FBXL8: variants seen among roughly 807,000 people sequenced by gnomAD.
FBXL8 encodes the protein F-box and leucine rich repeat protein 8.
In FBXL8, 13 loss-of-function variants were observed where a neutral mutation model predicts 8.2. That is an observed-to-expected ratio of 1.58 (90% CI 1.03 to 2.51). FBXL8 has a LOEUF of 2.51. FBXL8 is among the 30% of genes most tolerant of loss of function. The pLI is 0.00. For synonymous variants in FBXL8, 271 were observed against 260.5 expected (o/e 1.04, Z -0.39); for missense variants, 565 against 540.4 (o/e 1.05, Z -0.45).
chr16:67,163,050 G>A lies in FBXL8; in HGVS notation c.355G>A (p.Ala119Thr), dbSNP rs1172418199. The A allele has an allele frequency of 6.4e-7, 1 of 1,569,884 alleles. No homozygotes were observed. Among genetic ancestry groups the A allele is most frequent in the Non-Finnish European group, 8.6e-7 (1 of 1,157,300 alleles). The part of the protein sequence containing the change: ...ECRGEKPLFD[A>T]GRDVLEAVHA... ...CCGCGGAGAAAAACCGCTCTTCGAC[G>A]CGGGCCGCGACGTCCTGGAGGCTGT... The change falls in exon 3 of 3, where the codon GCG becomes ACG. Residue 119 changes from alanine to threonine, a missense_variant. By Grantham distance (58) the Ala-to-Thr change is moderately conservative. Coordinates refer to ENST00000258200, the MANE Select transcript of FBXL8 (RefSeq NM_018378.3).
intron 1 of FBXL8, among the ~76,000 whole-genome samples, chr16:67,160,583 C>T (rs112687286): frequency 1.3e-5 from 2 of 152,064 alleles, no homozygotes; most frequent in African/African-American, 2.4e-5. Context: ...AGGTGGCGCG[C>T]GCCTGGAGTC....
In FBXL8 at chr16:67,163,846, C is replaced by T. The variant is rs756655584; in HGVS notation, c.*26C>T. 1 of 1,524,400 alleles carries T rather than the reference C, an allele frequency of 6.6e-7. No individual in the cohort carries two copies. Among genetic ancestry groups the T allele is most frequent in the Non-Finnish European group, 8.7e-7 (1 of 1,145,350 alleles). The allele number at this position is 1,524,400 out of a possible 1,614,324, so 94.4% of individuals were successfully genotyped here. ...TTGGGCGACTTCTCTCCCCCGTCCC[C>T]GTGGACGTAAGCGCTCTGAGAGGGA... is the stretch of plus-strand genomic sequence containing the variant. On this transcript the variant is annotated 3_prime_UTR_variant, in exon 3 of 3. Transcript: ENST00000258200.
chr16:67,163,634 G>A lies in FBXL8; in HGVS notation c.939G>A (p.Ser313=). ...LCALEVRAAA[S]AELNAALEEL... ...CGCTCGAGGTGCGCGCAGCCGCTTC[G>A]GCCGAGCTGAACGCCGCGCTGGAGG... The change falls in exon 3 of 3, where the codon TCG becomes TCA. Residue 313 remains serine (S), a synonymous_variant. Coordinates refer to ENST00000258200, the MANE Select transcript of FBXL8 (RefSeq NM_018378.3). 1 of 1,565,706 alleles carries A rather than the reference G, an allele frequency of 6.4e-7. No homozygotes were observed. Among genetic ancestry groups the A allele is most frequent in the Non-Finnish European group, 8.6e-7 (1 of 1,165,582 alleles).
At chr16:67,162,376 A>G in intron 2 of FBXL8, 2 of 574,878 alleles carry the variant, frequency 3.5e-6, no homozygotes, top group South Asian at 2.1e-5. Flanking sequence ...GTATATACCA[A>G]CCATTGTTTT....
In FBXL8 at chr16:67,163,194, C is replaced by G; in HGVS notation, c.499C>G (p.Leu167Val). The change falls in exon 3 of 3, where the codon CTT becomes GTT. Residue 167 changes from leucine (L) to valine (V), a missense_variant. Physicochemically the swap from Leu to Val is conservative, Grantham distance 32. Transcript: ENST00000258200. ...AARSCPELHS[L>V]FLDNSTLVGS... ...GCGCAGCTGTCCCGAGCTCCACAGC[C>G]TTTTTCTGGACAACAGTACCCTAGT... The G allele has an allele frequency of 1.3e-6, 2 of 1,564,898 alleles. No homozygotes were observed. The highest frequency in any genetic ancestry group is 2.3e-5 in the South Asian group (2 of 85,710).
chr16:67,162,787 AGGCTT>A (rs2030962083), intron 2 of FBXL8, 56 bp from the exon 3 acceptor site: 1 of 1,547,824 alleles, frequency 6.5e-7, no homozygotes, highest in African/African-American at 1.4e-5. Context: ...GGGTGGGTAG[AGGCTT>A]CTCCGCTGGT....
chr16:67,163,534 T>C lies in FBXL8; in HGVS notation c.839T>C (p.Leu280Pro). 6.4e-7 allele frequency: 1 copy of C among 1,566,586 alleles called. No individual in the cohort carries two copies. The highest frequency in any genetic ancestry group is 8.6e-7 in the Non-Finnish European group (1 of 1,164,702). The change falls in exon 3 of 3, where the codon CTG becomes CCG. Residue 280 changes from leucine to proline, a missense_variant. Transcript: ENST00000258200. ...VLQPAVPVAA[L>P]RLNLSGDTVG... The stretch of plus-strand genomic sequence containing the variant: ...CAGCCAGCCGTCCCCGTGGCTGCGC[T>C]GCGCCTCAACCTCTCAGGCGACACC...
rs2031063177 is a variant in FBXL8, at chr16:67,164,091, C to T, written c.*271C>T. 5 of 687,148 alleles carry T rather than the reference C, an allele frequency of 7.3e-6. No homozygotes were observed. In the East Asian group the frequency reaches 1.4e-4, roughly 19 times the overall value. 42.6% of individuals were successfully genotyped at this position (687,148 alleles called of 1,614,324 possible). A position where few individuals can be genotyped will look rare whatever the true frequency, so the allele number is the denominator to read the frequency against. ...CCACCCCTCTGCGGACTCTGCAGCT[C>T]CGCGGCCCCGGCGCAGGGAGAGGGA... On this transcript the variant is annotated 3_prime_UTR_variant, in exon 3 of 3. Coordinates refer to ENST00000258200, the MANE Select transcript of FBXL8 (RefSeq NM_018378.3).
At position 67,163,335 on chromosome 16, in the gene FBXL8, C is replaced by A; in HGVS notation, c.640C>A (p.Pro214Thr). 1 of 1,566,030 alleles carries A rather than the reference C, an allele frequency of 6.4e-7. No individual in the cohort carries two copies. Among genetic ancestry groups the A allele is most frequent in the Non-Finnish European group, 8.6e-7 (1 of 1,160,188 alleles). ...SHAILEALAA[P>T]DRAPFALLAL... ...CGCCATCCTCGAAGCACTGGCGGCG[C>A]CAGACCGAGCGCCTTTCGCGCTCTT... Residue 214 changes from proline (P) to threonine (T), a missense_variant, in exon 3 of 3, where the codon CCA (proline) becomes ACA (threonine). Coordinates refer to ENST00000258200, the MANE Select transcript of FBXL8 (RefSeq NM_018378.3).
In FBXL8 at chr16:67,163,877, G is replaced by GA. The variant is rs372998678; in HGVS notation, c.*57_*58insA. The GA allele has an allele frequency of 1.3e-6, 2 of 1,527,450 alleles. No homozygotes were observed. The highest frequency in any genetic ancestry group is 1.7e-6 in the Non-Finnish European group (2 of 1,145,604). 94.6% of individuals were successfully genotyped at this position (1,527,450 alleles called of 1,614,324 possible). ...CGTAAGCGCTCTGAGAGGGAACGGG[G>GA]GGGGTGTCCAGGCGCGCCCCGAGTG... is the stretch of plus-strand genomic sequence containing the variant. On this transcript the variant is annotated 3_prime_UTR_variant, in exon 3 of 3. Coordinates refer to ENST00000258200, the MANE Select transcript of FBXL8 (RefSeq NM_018378.3).
In FBXL8 at chr16:67,163,132, CCTTCACACTGGA is replaced by C; in HGVS notation, c.439_450del (p.Phe147_Asp150del). On this transcript the variant is annotated inframe_deletion, in exon 3 of 3. Transcript: ENST00000258200. ...CGCCACCTCGACCTGCGGCGCTTGT[CCTTCACACTGGA>C]CGACGCGCTGGTGCTGCAGGCGGCG... is the stretch of plus-strand genomic sequence containing the variant. The C allele has an allele frequency of 3.8e-6, 6 of 1,574,592 alleles. No individual in the cohort carries two copies. Among genetic ancestry groups the C allele is most frequent in the Non-Finnish European group, 5.2e-6 (6 of 1,161,180 alleles).
In FBXL8 at chr16:67,163,355, G is replaced by T. The variant is rs897038921; in HGVS notation, c.660G>T (p.Ala220=). 14 of 1,550,952 alleles carry T rather than the reference G, an allele frequency of 9.0e-6. No individual in the cohort carries two copies. The highest frequency in any genetic ancestry group is 1.2e-5 in the Non-Finnish European group (14 of 1,153,104). ...CGGCGCCAGACCGAGCGCCTTTCGCGCTCTTGGCTCTGCGGTGCGCGTGCC... is the reference window on the plus strand; with the variant it reads ...CGGCGCCAGACCGAGCGCCTTTCGCTCTCTTGGCTCTGCGGTGCGCGTGCC... ...ALAAPDRAPF[A]LLALRCACPE... The change falls in exon 3 of 3, where the codon GCG becomes GCT. Residue 220 remains alanine (A), a synonymous_variant. Coordinates refer to ENST00000258200, the MANE Select transcript of FBXL8 (RefSeq NM_018378.3).
intron 1 of FBXL8, 48 bp from the exon 2 acceptor site, chr16:67,161,687 G>A: frequency 7.1e-7 from 1 of 1,407,748 alleles, no homozygotes. Context: ...CGGTCTTCCT[G>A]CAACACTTTG....
intron 1 of FBXL8, 140 bp from the exon 2 acceptor site, chr16:67,161,595 C>T: frequency 3.5e-6 from 2 of 566,498 alleles, no homozygotes; most frequent in Non-Finnish European, 5.7e-6. Flanking sequence ...GCTTTGTGAA[C>T]AAGTTTCGGG....
rs1247905044 is a variant in FBXL8 at position 67,163,191 on chromosome 16, A to C, written c.496A>C (p.Ser166Arg). The C allele has an allele frequency of 6.4e-7, 1 of 1,564,294 alleles. No individual in the cohort carries two copies. The highest frequency in any genetic ancestry group is 2.4e-5 in the East Asian group (1 of 41,942). The change falls in exon 3 of 3, where the codon AGC becomes CGC. Residue 166 changes from serine to arginine, a missense_variant. Ser to Arg is a moderately radical substitution (Grantham distance 110). Transcript: ENST00000258200. ...QAARSCPELHSLFLDNSTLVG... is the reference protein window; with the variant it reads ...QAARSCPELHRLFLDNSTLVG... The stretch of plus-strand genomic sequence containing the variant: ...GGCGCGCAGCTGTCCCGAGCTCCAC[A>C]GCCTTTTTCTGGACAACAGTACCCT...
chr16:67,163,352 C>A lies in FBXL8; in HGVS notation c.657C>A (p.Phe219Leu), dbSNP rs560299174. 71 of 1,554,674 alleles carry A rather than the reference C, an allele frequency of 4.6e-5. No homozygotes were observed. In the East Asian group the frequency reaches 1.6e-3, roughly 35 times the overall value. Residue 219 changes from phenylalanine to leucine, a missense_variant, in exon 3 of 3, where the codon TTC becomes TTA. Phe to Leu is a conservative substitution (Grantham distance 22). Coordinates refer to ENST00000258200, the MANE Select transcript of FBXL8 (RefSeq NM_018378.3). ...TGGCGGCGCCAGACCGAGCGCCTTT[C>A]GCGCTCTTGGCTCTGCGGTGCGCGT... is the stretch of plus-strand genomic sequence containing the variant. ...EALAAPDRAP[F>L]ALLALRCACP...
chr16:67,162,307 G>A (rs896206801), intron 2 of FBXL8: 9 of 440,042 alleles, frequency 2.0e-5, no homozygotes, highest in Non-Finnish European at 3.7e-5. Context: ...CCAGCTTGGC[G>A]ACAGAGTAAC....
In FBXL8 at chr16:67,163,732, C is replaced by A. The variant is rs1202438269; in HGVS notation, c.1037C>A (p.Ala346Asp). Residue 346 changes from alanine (A) to aspartate (D), a missense_variant, in exon 3 of 3, where the codon GCC (alanine) becomes GAC (aspartate). Physicochemically the swap from Ala to Asp is moderately radical, Grantham distance 126 (BLOSUM62 -2). Coordinates refer to ENST00000258200, the MANE Select transcript of FBXL8 (RefSeq NM_018378.3). ...GTGGTGAGCCACTCGGTGCTGGACG[C>A]CTTCCGCGCGCACTGCCCGCGCCTG... ...FCVVSHSVLD[A>D]FRAHCPRLRT... 4 of 1,594,092 alleles carry A rather than the reference C, an allele frequency of 2.5e-6. No homozygotes were observed. The South Asian group carries it at 4.4e-5, about 18-fold the overall frequency.
In FBXL8 at chr16:67,163,979, T is replaced by A. The variant is rs748253455; in HGVS notation, c.*159T>A. On this transcript the variant is annotated 3_prime_UTR_variant, in exon 3 of 3. Coordinates refer to ENST00000258200, the MANE Select transcript of FBXL8 (RefSeq NM_018378.3). ...ACTGTGATGGCATCGGGACCAGTCC[T>A]GGGCGCCCTGAGACCACTCGCTGCT... 1.8e-6 allele frequency: 2 copies of A among 1,140,384 alleles called. No individual in the cohort carries two copies. The highest frequency in any genetic ancestry group is 2.5e-6 in the Non-Finnish European group (2 of 787,870). The allele number at this position is 1,140,384 out of a possible 1,614,324, so 70.6% of individuals were successfully genotyped here. A position where few individuals can be genotyped will look rare whatever the true frequency, so the allele number is the denominator to read the frequency against.
Sources: gnomAD v4.1 joint callset for allele counts (sites outside exome capture counted in the v4.1 genomes callset) on GRCh38, gnomAD v4.1.1 for gene constraint, MANE v1.5 for transcripts, NCBI Gene and HGNC (gene_info 2026-07-23, HGNC 2026-07-21) for gene names.